Variants in GTF3C3 observed in about 807,000 individuals in gnomAD.
The protein encoded by GTF3C3 is general transcription factor IIIC subunit 3, also known as general transcription factor 3C polypeptide 3.
In GTF3C3, 75 loss-of-function variants were observed where a neutral mutation model predicts 105.2. That is an observed-to-expected ratio of 0.71 (90% CI 0.59 to 0.86). The LOEUF (loss-of-function observed/expected upper bound fraction) is 0.86, where lower values mean the gene tolerates loss of function less well. Among genes scored for constraint, GTF3C3 ranks in the 40% least tolerant of loss-of-function variants. The pLI is 0.00. For synonymous variants in GTF3C3, 335 were observed against 370.4 expected (o/e 0.90, Z 1.10); for missense variants, 856 against 1,076.5 (o/e 0.80, Z 2.87).
intron 14 of GTF3C3, 117 bp downstream of exon 14, chr2:196,772,799 A>T: frequency 1.6e-6 from 1 of 608,202 alleles, no homozygotes; most frequent in South Asian, 2.4e-5. Flanking sequence ...TCTGGGAATC[A>T]CCAATTAACC....
chr2:196,784,912 A>G lies in GTF3C3; in HGVS notation c.1059T>C (p.Ser353=). The G allele has an allele frequency of 6.2e-7, 1 of 1,605,616 alleles. No homozygotes were observed. The highest frequency in any genetic ancestry group is 8.5e-7 in the Non-Finnish European group (1 of 1,173,628). The stretch of plus-strand genomic sequence containing the variant: ...AAGTTTTTTTTTCCAGCACAATTCC[A>G]GAAAAATCTGTAATTATCTAAAAGA... ...DKALEIITDF[S]GIVLEKKTSE... is the part of the protein sequence containing the mutation. Residue 353 remains serine, a synonymous_variant, in exon 8 of 18, where the codon TCT becomes TCC. Coordinates refer to ENST00000263956, the MANE Select transcript of GTF3C3 (RefSeq NM_012086.5).
rs373629532 is a variant in GTF3C3, at chr2:196,786,536, TA to T, written c.894-949del. 4.7e-3 allele frequency among the ~76,000 whole-genome samples: 711 copies of T among 152,278 alleles called. 11 individuals carry two copies. Among genetic ancestry groups the T allele is most frequent in the African/African-American group, 0.016 (680 of 41,578 alleles). ...CCTTTATCAAGGATAAATAATTGTA[TA>T]CATGAAAATAACCCCTAGTTTGATC... On this transcript the variant is annotated intron_variant, in intron 6 of 17. Coordinates refer to ENST00000263956, the MANE Select transcript of GTF3C3 (RefSeq NM_012086.5). The surrounding 1 kb of genome is among the most constrained non-coding windows in gnomAD (Gnocchi z 4.2).
At position 196,763,804 on chromosome 2, in the gene GTF3C3, T is replaced by TTTTAC. The variant is rs1168378871; in HGVS notation, c.*754_*758dup. 2.0e-4 allele frequency: 30 copies of TTTTAC among 152,194 alleles called. No homozygotes were observed. Among genetic ancestry groups the TTTTAC allele is most frequent in the African/African-American group, 5.1e-4 (21 of 41,468 alleles). The allele number at this position is 152,194 out of a possible 1,614,324, so 9.4% of individuals were successfully genotyped here. ...TGAGTAAACAAACAAAAAAAAAGTT[T>TTTTAC]TTTACTTTATCAATCAGCAGTATGT... On this transcript the variant is annotated 3_prime_UTR_variant, in exon 18 of 18. Coordinates refer to ENST00000263956, the MANE Select transcript of GTF3C3 (RefSeq NM_012086.5).
At chr2:196,781,379 TATATATATAA>T (rs1330074438) in intron 8 of GTF3C3, among the ~76,000 whole-genome samples, 9 of 118,604 alleles carry the variant, frequency 7.6e-5, no homozygotes, top group African/African-American at 2.7e-4. Context: ...TATATATATA[TATATATATAA>T]AATTAAATAA....
intron 4 of GTF3C3, among the ~76,000 whole-genome samples, chr2:196,790,497 A>G (rs1699528144): frequency 6.6e-6 from 1 of 152,222 alleles, no homozygotes; most frequent in Non-Finnish European, 1.5e-5. Flanking sequence ...CAGCAGCTAA[A>G]CGGATATCAA....
Position 196,797,764 on chromosome 2 carries a change from A to T in GTF3C3, c.214+33T>A, listed in dbSNP as rs754782731. The T allele has an allele frequency of 5.2e-6, 6 of 1,153,542 alleles. No individual in the cohort carries two copies. The African/African-American group carries it at 9.1e-5, about 18-fold the overall frequency. 71.5% of individuals were successfully genotyped at this position (1,153,542 alleles called of 1,614,324 possible). On this transcript the variant is annotated intron_variant, in intron 2 of 17. Coordinates refer to ENST00000263956, the MANE Select transcript of GTF3C3 (RefSeq NM_012086.5). ...ATTACTTTGCTTACATACTCTAAAC[A>T]TTCATTGCAGGAAGCACATAATTTT...
chr2:196,775,041 C>A, intron 13 of GTF3C3, 75 bp downstream of exon 13: 1 of 974,320 alleles, frequency 1.0e-6, no homozygotes, highest in Non-Finnish European at 1.5e-6. Context: ...AATTAGATTG[C>A]TGTCCAGTGT....
At chr2:196,766,454 G>A (rs1699070871) in intron 17 of GTF3C3, 111 bp downstream of exon 17, 2 of 795,460 alleles carry the variant, frequency 2.5e-6, no homozygotes, top group Non-Finnish European at 4.0e-6. Context: ...TACTGAATAA[G>A]AGAAAATACA....
In GTF3C3 at chr2:196,789,249, G is replaced by A; in HGVS notation, c.848C>T (p.Pro283Leu). ...GYRRILNLLS[P>L]SDGERFMQLA... ...CTGCATAAAACGTTCGCCATCAGAT[G>A]GAGACAAAAGGTTTAAAATACGCCT... Residue 283 changes from proline (P) to leucine (L), a missense_variant, in exon 6 of 18, where the codon CCA (proline) becomes CTA (leucine). Physicochemically the swap from Pro to Leu is moderately conservative, Grantham distance 98. Around this residue, in one of 3 missense-constraint regions of GTF3C3, gnomAD observed 605 missense variants for 833.6 expected, o/e 0.73. Transcript: ENST00000263956. 1 of 1,613,038 alleles carries A rather than the reference G, an allele frequency of 6.2e-7. No homozygotes were observed.
chr2:196,766,563 A>T lies in GTF3C3; in HGVS notation c.2538+2T>A. ...TGTCTCAGTTTTAAAAATGCACAAT[A>T]CCTCTACCACAAGTGGAGGGAGCTC... On this transcript the variant is annotated splice_donor_variant, in intron 17 of 17. Coordinates refer to ENST00000263956, the MANE Select transcript of GTF3C3 (RefSeq NM_012086.5). LOFTEE classifies it high-confidence loss of function. 1 of 1,602,518 alleles carries T rather than the reference A, an allele frequency of 6.2e-7. No homozygotes were observed.
intron 4 of GTF3C3, 141 bp from the exon 5 acceptor site, chr2:196,790,211 T>A: frequency 2.1e-6 from 1 of 469,116 alleles, no homozygotes; most frequent in Non-Finnish European, 3.6e-6. Flanking sequence ...ACAAACTGCT[T>A]AAGGCAAGTT....
chr2:196,775,095 T>C (rs757225379), intron 13 of GTF3C3, 21 bp downstream of exon 13: 4 of 1,602,134 alleles, frequency 2.5e-6, no homozygotes, highest in Non-Finnish European at 3.4e-6. Flanking sequence ...TTATATAACA[T>C]AATGCAAATG....
At chr2:196,778,118 C>G (rs942841831) in intron 10 of GTF3C3, 1 of 152,208 alleles carries the variant, frequency 6.6e-6, no homozygotes, top group Non-Finnish European at 1.5e-5. Flanking sequence ...TTATAGAGTT[C>G]TGTCATCATA....
chr2:196,790,470 A>T (rs985797887), intron 4 of GTF3C3, among the ~76,000 whole-genome samples: 15 of 152,206 alleles, frequency 9.9e-5, no homozygotes, highest in African/African-American at 3.6e-4. Flanking sequence ...GGTATGAATG[A>T]ACAGATGATA....
intron 14 of GTF3C3, among the ~76,000 whole-genome samples, chr2:196,772,650 A>G (rs1392590933): frequency 1.3e-5 from 2 of 152,210 alleles, no homozygotes; most frequent in Non-Finnish European, 2.9e-5. Context: ...TGGCAGTATT[A>G]TGATATCCTT....
chr2:196,768,554 C>T (rs1699113627), intron 16 of GTF3C3, among the ~76,000 whole-genome samples: 1 of 151,922 alleles, frequency 6.6e-6, no homozygotes, highest in Non-Finnish European at 1.5e-5. Context: ...AAACTATAGT[C>T]TTGTAGCAAG....
Position 196,776,714 on chromosome 2 carries a change from T to G in GTF3C3, c.1391-85A>C. On this transcript the variant is annotated intron_variant, in intron 10 of 17. Transcript: ENST00000263956. The surrounding 1 kb of genome is among the most constrained non-coding windows in gnomAD (Gnocchi z 4.5). ...TTACTCTTCCATTTTAAAAGAAATA[T>G]AGCAATATAAAAAATTATAACAAGA... 1.1e-6 allele frequency: 1 copy of G among 881,344 alleles called. No individual in the cohort carries two copies. Among genetic ancestry groups the G allele is most frequent in the Non-Finnish European group, 1.8e-6 (1 of 560,742 alleles). 54.6% of individuals were successfully genotyped at this position (881,344 alleles called of 1,614,324 possible).
intron 17 of GTF3C3, 130 bp from the exon 18 acceptor site, chr2:196,764,815 A>ATTATAAAACTATGCATAT: frequency 3.0e-6 from 2 of 665,640 alleles, no homozygotes; most frequent in African/African-American, 3.6e-5. Flanking sequence ...ACTAAAAAAA[A>ATTATAAAACTATGCATAT]ATTATAAAAC....
chr2:196,796,049 T>C (rs1261343466), intron 2 of GTF3C3, among the ~76,000 whole-genome samples: 3 of 152,194 alleles, frequency 2.0e-5, no homozygotes, highest in Non-Finnish European at 4.4e-5. Context: ...AGCAAGAATT[T>C]AGTGGTGTAT....
Sources: gnomAD v4.1 joint callset for allele counts (sites outside exome capture counted in the v4.1 genomes callset) on GRCh38, gnomAD v4.1.1 for gene constraint, gnomAD v4.1.1 regional missense constraint, Gnocchi (gnomAD v3.1) non-coding constraint, MANE v1.5 for transcripts, NCBI Gene and HGNC (gene_info 2026-07-23, HGNC 2026-07-21) for gene names.